The following APLF variants were observed in gnomAD, a reference collection of about 807,000 sequenced individuals.
APLF encodes the protein aprataxin and PNK-like factor.
APLF carries 61 observed loss-of-function variants against 55.6 expected under a neutral mutation model. The ratio of observed to expected loss-of-function variants is 1.10; its 90% CI spans 0.89 to 1.36. The LOEUF is 1.36. Among genes scored for constraint, APLF ranks in the 40% most tolerant of loss-of-function variants. The pLI is 0.00. For missense variants in APLF, 611 were observed against 602.5 expected (o/e 1.01, Z -0.15); for synonymous variants, 207 against 214.8 (o/e 0.96, Z 0.32).
chr2:68,557,245 A>G (rs1370998717), intron 8 of APLF, among the ~76,000 whole-genome samples: 1 of 151,924 alleles, frequency 6.6e-6, no homozygotes, highest in Non-Finnish European at 1.5e-5. Flanking sequence ...ACCTAATAAA[A>G]TGTAAATACT....
At chr2:68,478,406 T>G (rs555576552) in intron 1 of APLF, among the ~76,000 whole-genome samples, 1 of 152,292 alleles carries the variant, frequency 6.6e-6, no homozygotes, top group East Asian at 1.9e-4. Flanking sequence ...AATTTTTATG[T>G]GGATAGAGGC....
At chr2:68,530,915 C>T (rs1000614245) in intron 6 of APLF, among the ~76,000 whole-genome samples, 1 of 152,060 alleles carries the variant, frequency 6.6e-6, no homozygotes, top group Non-Finnish European at 1.5e-5. Flanking sequence ...AAGGGAGGAC[C>T]ACTTGACTCT....
chr2:68,506,620 GT>G (rs1456534790), intron 3 of APLF, among the ~76,000 whole-genome samples: 11 of 151,978 alleles, frequency 7.2e-5, no homozygotes, highest in African/African-American at 2.4e-4. Flanking sequence ...GACACAGAAG[GT>G]TTAAGACTTG....
chr2:68,535,842 G>A (rs192420043), intron 6 of APLF, among the ~76,000 whole-genome samples: 53 of 152,240 alleles, frequency 3.5e-4, no homozygotes, highest in African/African-American at 1.2e-3. Context: ...AGGTTTTAAG[G>A]TTAAGAGAAG....
At chr2:68,567,289 T>C (rs926069260) in intron 8 of APLF, 52 bp from the exon 9 acceptor site, 68 of 1,510,064 alleles carry the variant, frequency 4.5e-5, no homozygotes, top group Admixed American at 4.4e-4. Context: ...TAAATAGTCA[T>C]CAACTTTTAG....
intron 7 of APLF, among the ~76,000 whole-genome samples, chr2:68,541,639 G>A (rs575847817): frequency 3.8e-4 from 58 of 152,234 alleles, no homozygotes; most frequent in Non-Finnish European, 5.6e-4. Context: ...TTCATGGGCC[G>A]TACAGTCTTT....
rs1442752361 is a variant in APLF at position 68,513,169 on chromosome 2, C to T, written c.431C>T (p.Ser144Leu). The change falls in exon 4 of 10, where the codon TCA becomes TTA. Residue 144 changes from serine to leucine, a missense_variant. By Grantham distance (145) the Ser-to-Leu change is moderately radical. Coordinates refer to ENST00000303795, the MANE Select transcript of APLF (RefSeq NM_173545.3). ...TTACCTCATGAGACTACTGGTGCCT[C>T]ACAACTGGAAGGAAGCACAGAAATA... ...INLPHETTGA[S>L]QLEGSTEIAK... The T allele has an allele frequency of 1.2e-6, 2 of 1,611,418 alleles. No homozygotes were observed. The highest frequency in any genetic ancestry group is 2.7e-5 in the African/African-American group (2 of 74,902).
chr2:68,477,686 A>G (rs1675821260), intron 1 of APLF, among the ~76,000 whole-genome samples: 3 of 152,138 alleles, frequency 2.0e-5, no homozygotes, highest in Non-Finnish European at 4.4e-5. Flanking sequence ...CCAAAACTGG[A>G]TAATTTATGA....
chr2:68,530,399 C>T (rs950755700), intron 6 of APLF, among the ~76,000 whole-genome samples: 2 of 152,170 alleles, frequency 1.3e-5, no homozygotes, highest in Non-Finnish European at 2.9e-5. Context: ...TACCAGTTGT[C>T]AGCACAGCAC....
chr2:68,526,409 G>A (rs533361931), intron 6 of APLF, among the ~76,000 whole-genome samples, 167 bp downstream of exon 6: 12 of 152,242 alleles, frequency 7.9e-5, no homozygotes, highest in African/African-American at 2.4e-4. Context: ...CTTTAATATA[G>A]TATTTGTTGA....
chr2:68,540,148 C>T (rs768459297), intron 7 of APLF, among the ~76,000 whole-genome samples: 12 of 152,044 alleles, frequency 7.9e-5, no homozygotes, highest in Non-Finnish European at 1.0e-4. Flanking sequence ...TCTCCTAATG[C>T]TATCCCTCCC....
intron 5 of APLF, among the ~76,000 whole-genome samples, chr2:68,518,799 A>ATATG (rs1394058710): frequency 6.0e-4 from 12 of 19,928 alleles, no homozygotes; most frequent in Admixed American, 1.4e-3. Context: ...AATATTAATA[A>ATATG]TCTATCATAT....
At chr2:68,514,061 C>CA (rs1669497560) in intron 5 of APLF, among the ~76,000 whole-genome samples, 2 of 151,640 alleles carry the variant, frequency 1.3e-5, no homozygotes, top group Non-Finnish European at 3.0e-5. Context: ...ATTCTTTTTT[C>CA]TGCCATCTCT....
At chr2:68,549,667 T>C (rs1670802852) in intron 8 of APLF, among the ~76,000 whole-genome samples, 1 of 152,140 alleles carries the variant, frequency 6.6e-6, no homozygotes, top group African/African-American at 2.4e-5. Context: ...CAAATGGTTA[T>C]AGTGTTGTTC....
chr2:68,578,394 C>G lies in APLF; in HGVS notation c.*372C>G. 2 of 998,664 alleles carry G rather than the reference C, an allele frequency of 2.0e-6. No individual in the cohort carries two copies. The highest frequency in any genetic ancestry group is 2.4e-6 in the Non-Finnish European group (2 of 838,130). 61.9% of individuals were successfully genotyped at this position (998,664 alleles called of 1,614,324 possible). On this transcript the variant is annotated 3_prime_UTR_variant, in exon 10 of 10. Transcript: ENST00000303795. ...ATTATGGAGTACTCTGCAAGTATAACCAGGCAAAGTACATGAAAACATGCC... is the reference window on the plus strand; with the variant it reads ...ATTATGGAGTACTCTGCAAGTATAAGCAGGCAAAGTACATGAAAACATGCC...
intron 8 of APLF, among the ~76,000 whole-genome samples, chr2:68,551,777 G>A (rs1412525788): frequency 7.0e-6 from 1 of 143,336 alleles, no homozygotes; most frequent in African/African-American, 2.6e-5. Context: ...CTTGATTGTT[G>A]GGTCATATTT....
intron 1 of APLF, among the ~76,000 whole-genome samples, chr2:68,474,662 G>A (rs1308522212): frequency 6.6e-6 from 1 of 152,098 alleles, no homozygotes; most frequent in Non-Finnish European, 1.5e-5. Context: ...TCTGTAGGTA[G>A]TGTCTGGGTA....
In APLF at chr2:68,473,073, C is replaced by T. The variant is rs79572604; in HGVS notation, c.96+5246C>T. Among the ~76,000 whole-genome samples the T allele has an allele frequency of 4.3e-3, 648 of 152,232 alleles. 3 individuals carry two copies. The highest frequency in any genetic ancestry group is 0.015 in the African/African-American group (615 of 41,518). Reference sequence around the variant, plus strand: ...ACTGGGGTTAACTCTTGGTATTGTACATCTTATGGGTTTTGACAAATGTAT... The same window carrying T: ...ACTGGGGTTAACTCTTGGTATTGTATATCTTATGGGTTTTGACAAATGTAT... On this transcript the variant is annotated intron_variant, in intron 1 of 9. Coordinates refer to ENST00000303795, the MANE Select transcript of APLF (RefSeq NM_173545.3).
chr2:68,476,366 T>C (rs56351239), intron 1 of APLF, among the ~76,000 whole-genome samples: 23,386 of 150,906 alleles, frequency 0.15, 4,014 homozygotes, highest in African/African-American at 0.43. Flanking sequence ...ACCTGTAATC[T>C]CAGCTACTTG....
Sources: gnomAD v4.1 joint callset for allele counts (sites outside exome capture counted in the v4.1 genomes callset) on GRCh38, gnomAD v4.1.1 for gene constraint, MANE v1.5 for transcripts, NCBI Gene and HGNC (gene_info 2026-07-23, HGNC 2026-07-21) for gene names.